Variants in SLC35F4 observed in about 807,000 individuals in gnomAD.
SLC35F4 encodes the protein solute carrier family 35 member F4, also known as chromosome 14 open reading frame 36.
Under a neutral mutation model 44.2 loss-of-function variants are expected in SLC35F4, and 24 were observed. That is an observed-to-expected ratio of 0.54 (90% CI 0.39 to 0.76). The LOEUF is 0.76. Ranked by LOEUF, SLC35F4 falls within the 30% of genes least tolerant of loss-of-function variation. The pLI is 0.00. For missense variants in SLC35F4, 562 were observed against 586.1 expected, an observed-to-expected ratio of 0.96 and a Z score of 0.42; for synonymous variants, 238 against 223.6, an observed-to-expected ratio of 1.06 and a Z score of -0.57.
intron 1 of SLC35F4, among the ~76,000 whole-genome samples, chr14:57,726,937 G>A (rs1377284296): frequency 6.6e-6 from 1 of 152,006 alleles, no homozygotes; most frequent in Non-Finnish European, 1.5e-5. Flanking sequence ...ACACAAAAAG[G>A]CTAGACTGGC....
At chr14:57,654,851 A>G (rs2073908897) in intron 1 of SLC35F4, among the ~76,000 whole-genome samples, 1 of 152,222 alleles carries the variant, frequency 6.6e-6, no homozygotes, top group Non-Finnish European at 1.5e-5. Context: ...TGGGGGACAT[A>G]ATTCAAACCA....
chr14:57,720,871 T>C (rs2076066957), intron 1 of SLC35F4, among the ~76,000 whole-genome samples: 2 of 151,460 alleles, frequency 1.3e-5, no homozygotes, highest in African/African-American at 2.4e-5. Context: ...TCCTCAAACA[T>C]TGGACTTCAA....
chr14:57,692,349 C>A (rs534693800), intron 1 of SLC35F4, among the ~76,000 whole-genome samples: 1 of 152,026 alleles, frequency 6.6e-6, no homozygotes, highest in South Asian at 2.1e-4. Flanking sequence ...GATGGTGGTA[C>A]CCCTTTAAAA....
intron 1 of SLC35F4, among the ~76,000 whole-genome samples, chr14:57,609,319 T>G (rs1016937527): frequency 1.3e-5 from 2 of 152,230 alleles, no homozygotes; most frequent in African/African-American, 4.8e-5. Flanking sequence ...TGTGAAGCTC[T>G]CATTAAGCTC....
chr14:57,895,276 C>T (rs1348183534), intron 1 of SLC35F4, among the ~76,000 whole-genome samples: 1 of 152,126 alleles, frequency 6.6e-6, no homozygotes, highest in African/African-American at 2.4e-5. Flanking sequence ...CCCAGAAACT[C>T]CATGTATTAT....
At chr14:57,880,372 G>A (rs1446894909) in intron 1 of SLC35F4, among the ~76,000 whole-genome samples, 1 of 152,072 alleles carries the variant, frequency 6.6e-6, no homozygotes, top group Admixed American at 6.6e-5. Context: ...ATATTCCAGT[G>A]GTCCCCTGGC....
intron 1 of SLC35F4, among the ~76,000 whole-genome samples, chr14:57,658,836 AT>A (rs988005366): frequency 6.6e-6 from 1 of 152,202 alleles, no homozygotes; most frequent in African/African-American, 2.4e-5. Flanking sequence ...AATGGAAAAT[AT>A]ATATTTCTAG....
chr14:57,645,561 T>A (rs867640766), intron 1 of SLC35F4, among the ~76,000 whole-genome samples: 2 of 151,878 alleles, frequency 1.3e-5, no homozygotes, highest in South Asian at 4.2e-4. Flanking sequence ...ATCATGTACA[T>A]CTGCAAACAG....
intron 1 of SLC35F4, among the ~76,000 whole-genome samples, chr14:57,914,520 G>A (rs542168069): frequency 1.8e-4 from 28 of 151,788 alleles, no homozygotes; most frequent in African/African-American, 6.5e-4. Flanking sequence ...CCGAGATCGC[G>A]CCACTGCACT....
intron 1 of SLC35F4, among the ~76,000 whole-genome samples, chr14:57,913,076 G>A (rs1889248295): frequency 6.6e-6 from 1 of 151,944 alleles, no homozygotes; most frequent in South Asian, 2.1e-4. Flanking sequence ...GAAAATTAAT[G>A]TACCCACTAC....
rs148494649 is a variant in SLC35F4, at chr14:57,886,394, A to C, written n.282+95519T>G. On this transcript the variant is annotated intron_variant and non_coding_transcript_variant, in intron 1 of 1. Transcript: ENST00000556568. ...CCAAGCTCACTTAGGTTGTTGACAG[A>C]ATTGATTTCCAGAAATAAAGTGGGC... is the stretch of plus-strand genomic sequence containing the variant. Among the ~76,000 whole-genome samples the C allele has an allele frequency of 4.2e-3, 634 of 152,274 alleles. 2 individuals carry two copies. The highest frequency in any genetic ancestry group is 7.1e-3 in the Non-Finnish European group (485 of 68,024).
At chr14:57,844,970 G>C (rs951515131) in intron 1 of SLC35F4, among the ~76,000 whole-genome samples, 3 of 150,904 alleles carry the variant, frequency 2.0e-5, no homozygotes, top group Admixed American at 2.0e-4. Context: ...AAATCTTAAG[G>C]CCATCTTGTT....
chr14:57,872,771 C>A (rs538101993), intron 1 of SLC35F4, among the ~76,000 whole-genome samples: 1 of 152,180 alleles, frequency 6.6e-6, no homozygotes, highest in Admixed American at 6.5e-5. Context: ...CCCACAAGAT[C>A]GTGCAACTAG....
At chr14:57,928,457 C>T (rs890341166) in intron 1 of SLC35F4, among the ~76,000 whole-genome samples, 1 of 152,200 alleles carries the variant, frequency 6.6e-6, no homozygotes, top group African/African-American at 2.4e-5. Context: ...AACTCCCACA[C>T]CCACCCAACA....
chr14:57,598,827 AC>A (rs2070643081), intron 1 of SLC35F4, among the ~76,000 whole-genome samples: 1 of 152,144 alleles, frequency 6.6e-6, no homozygotes, highest in East Asian at 1.9e-4. Flanking sequence ...TGGTGCCTAA[AC>A]CTAAAGGTAG....
At chr14:57,938,021 G>A (rs1295826072) in intron 1 of SLC35F4, among the ~76,000 whole-genome samples, 1 of 152,066 alleles carries the variant, frequency 6.6e-6, no homozygotes, top group African/African-American at 2.4e-5. Flanking sequence ...TATCTTTGAA[G>A]CCAGCTGAAA....
intron 2 of SLC35F4, among the ~76,000 whole-genome samples, chr14:57,590,077 CTTT>C (rs112429463): frequency 1.2e-4 from 17 of 138,878 alleles, no homozygotes; most frequent in Non-Finnish European, 1.4e-4. Flanking sequence ...TTCCATTTTC[CTTT>C]TTTTTTTTTT....
At chr14:57,965,917 T>C (rs17094025) in intron 1 of SLC35F4, among the ~76,000 whole-genome samples, 8,182 of 152,284 alleles carry the variant, frequency 0.054, 234 homozygotes, top group East Asian at 0.089. Flanking sequence ...TCATGGTATC[T>C]TTCTGCTTTG....
chr14:57,844,508 A>G (rs1885814052), intron 1 of SLC35F4, among the ~76,000 whole-genome samples: 1 of 152,238 alleles, frequency 6.6e-6, no homozygotes, highest in African/African-American at 2.4e-5. Context: ...AGTAAGACTG[A>G]TGTATGATCA....
Sources: gnomAD v4.1 joint callset for allele counts (sites outside exome capture counted in the v4.1 genomes callset) on GRCh38, gnomAD v4.1.1 for gene constraint, MANE v1.5 for transcripts, NCBI Gene and HGNC (gene_info 2026-07-23, HGNC 2026-07-21) for gene names.